GNPTAB: variants seen among roughly 807,000 people sequenced by gnomAD.
GNPTAB encodes N-acetylglucosamine-1-phosphotransferase subunits alpha/beta.
Under a neutral mutation model 136.6 loss-of-function variants are expected in GNPTAB, and 92 were observed. The ratio of observed to expected loss-of-function variants is 0.67; its 90% CI spans 0.57 to 0.80. The LOEUF (loss-of-function observed/expected upper bound fraction) is 0.80. GNPTAB is among the 30% of genes least tolerant of loss of function. GNPTAB has a pLI of 0.00. For synonymous variants in GNPTAB, 512 were observed against 535.1 expected (o/e 0.96, Z 0.60); for missense variants, 1,343 against 1,501.8 (o/e 0.89, Z 1.75).
Position 101,771,204 on chromosome 12 carries a change from G to T in GNPTAB, c.772-47C>A, listed in dbSNP as rs776295848. Reference sequence around the variant, plus strand: ...ACACATGAAAAGACTGAATCTCAAGGATGAAGCACCTTTAAATTCCCACTC... The same window carrying T: ...ACACATGAAAAGACTGAATCTCAAGTATGAAGCACCTTTAAATTCCCACTC... On this transcript the variant is annotated intron_variant, in intron 7 of 20. Coordinates refer to ENST00000299314, the MANE Select transcript of GNPTAB (RefSeq NM_024312.5). 7 of 1,489,132 alleles carry T rather than the reference G, an allele frequency of 4.7e-6. No individual in the cohort carries two copies. In the Admixed American group the frequency reaches 1.2e-4, roughly 25 times the overall value. 92.2% of individuals were successfully genotyped at this position (1,489,132 alleles called of 1,614,324 possible). A position where few individuals can be genotyped will look rare whatever the true frequency, so the allele number is the denominator to read the frequency against.
chr12:101,777,942 A>G (rs1953283398), intron 7 of GNPTAB, among the ~76,000 whole-genome samples: 1 of 152,244 alleles, frequency 6.6e-6, no homozygotes. Context: ...GATTAGCTTG[A>G]TGCTCTGAGA....
At position 101,788,566 on chromosome 12, in the gene GNPTAB, G is replaced by A. The variant is rs756182759; in HGVS notation, c.347C>T (p.Thr116Met). The A allele has an allele frequency of 3.2e-6, 5 of 1,567,400 alleles. No individual in the cohort carries two copies. Among genetic ancestry groups the A allele is most frequent in the Non-Finnish European group, 3.5e-6 (4 of 1,137,502 alleles). ...AMREILGKNT[T>M]EPTKKSEKQL... ...TGCTTACCTCTTCTTAGTAGGTTCC[G>A]TTGTGTTTTTCCCAAGGATTTCTCT... Residue 116 changes from threonine to methionine, a missense_variant, in exon 4 of 21, where the codon ACG becomes ATG. Physicochemically the swap from Thr to Met is moderately conservative, Grantham distance 81. Transcript: ENST00000299314.
intron 7 of GNPTAB, chr12:101,773,893 T>C (rs1045673736): frequency 6.6e-6 from 1 of 152,240 alleles, no homozygotes; most frequent in African/African-American, 2.4e-5. Flanking sequence ...ACTGCCTCCA[T>C]ATATGGCATC....
chr12:101,814,930 A>G (rs754925726), intron 1 of GNPTAB, among the ~76,000 whole-genome samples: 1 of 152,158 alleles, frequency 6.6e-6, no homozygotes, highest in Non-Finnish European at 1.5e-5. Flanking sequence ...CTCATGAGAG[A>G]ATGTGAGTAA....
In GNPTAB at chr12:101,765,211, G is replaced by C; in HGVS notation, c.1706C>G (p.Ala569Gly). Reference sequence around the variant, plus strand: ...TTCAACTCCTCTTTTGGCTACTTCTGCAAAGCTGAAATAAGGCAGGCATTC... The same window carrying C: ...TTCAACTCCTCTTTTGGCTACTTCTCCAAAGCTGAAATAAGGCAGGCATTC... ...KGECLPYFSF[A>G]EVAKRGVEGA... is the part of the protein sequence containing the mutation. The change falls in exon 13 of 21, where the codon GCA becomes GGA. Residue 569 changes from alanine to glycine, a missense_variant. Coordinates refer to ENST00000299314, the MANE Select transcript of GNPTAB (RefSeq NM_024312.5). 1 of 1,613,978 alleles carries C rather than the reference G, an allele frequency of 6.2e-7. No individual in the cohort carries two copies. Among genetic ancestry groups the C allele is most frequent in the Non-Finnish European group, 8.5e-7 (1 of 1,179,882 alleles).
At chr12:101,826,742 A>G (rs1455329414) in intron 1 of GNPTAB, among the ~76,000 whole-genome samples, 1 of 152,150 alleles carries the variant, frequency 6.6e-6, no homozygotes, top group Non-Finnish European at 1.5e-5. Flanking sequence ...CACGTTTTAA[A>G]ATCTATACAG....
rs1459180853 is a variant in GNPTAB, at chr12:101,764,797, G to T, written c.2120C>A (p.Ala707Asp). 7 of 1,614,206 alleles carry T rather than the reference G, an allele frequency of 4.3e-6. No individual in the cohort carries two copies. Among genetic ancestry groups the T allele is most frequent in the Non-Finnish European group, 5.1e-6 (6 of 1,180,026 alleles). ...LVNISLLPKD[A>D]QLSLNTLDLQ... ...ATCCAAGGTATTGAGACTCAACTGG[G>T]CGTCTTTTGGAAGGAGTGAAATATT... The change falls in exon 13 of 21, where the codon GCC becomes GAC. Residue 707 changes from alanine (A) to aspartate (D), a missense_variant. Transcript: ENST00000299314.
intron 1 of GNPTAB, among the ~76,000 whole-genome samples, chr12:101,809,832 T>C (rs144871569): frequency 6.6e-6 from 1 of 152,318 alleles, no homozygotes; most frequent in East Asian, 1.9e-4. Context: ...ACTGTAGTGG[T>C]AGACACAGGA....
intron 1 of GNPTAB, among the ~76,000 whole-genome samples, chr12:101,810,146 C>G (rs950250375): frequency 2.0e-5 from 3 of 151,924 alleles, no homozygotes; most frequent in African/African-American, 4.8e-5. Flanking sequence ...ACTTGGGAGG[C>G]TGAGGGAAGG....
chr12:101,775,615 G>C (rs1284820071), intron 7 of GNPTAB, among the ~76,000 whole-genome samples: 1 of 151,568 alleles, frequency 6.6e-6, no homozygotes, highest in African/African-American at 2.4e-5. Flanking sequence ...TGCCCGCCTC[G>C]GCCTCTCAAA....
intron 4 of GNPTAB, among the ~76,000 whole-genome samples, 200 bp from the exon 5 acceptor site, chr12:101,786,417 A>G (rs1012466467): frequency 6.6e-6 from 1 of 152,226 alleles, no homozygotes; most frequent in African/African-American, 2.4e-5. Flanking sequence ...CCCAACTCCA[A>G]AGATAGAGCT....
intron 3 of GNPTAB, among the ~76,000 whole-genome samples, chr12:101,789,089 A>AT (rs1868834157): frequency 6.6e-6 from 1 of 152,140 alleles, no homozygotes; most frequent in African/African-American, 2.4e-5. Flanking sequence ...GGCCTATTAT[A>AT]TTTTTCAAGG....
chr12:101,807,296 C>A (rs1467151488), intron 1 of GNPTAB, among the ~76,000 whole-genome samples: 1 of 152,116 alleles, frequency 6.6e-6, no homozygotes, highest in Non-Finnish European at 1.5e-5. Context: ...GATAGAGCAT[C>A]CACAAAAACA....
chr12:101,796,909 G>C, intron 1 of GNPTAB, 147 bp from the exon 2 acceptor site: 2 of 631,622 alleles, frequency 3.2e-6, no homozygotes, highest in Non-Finnish European at 5.6e-6. Flanking sequence ...CACATACATC[G>C]TGTTAGATCC....
chr12:101,786,008 T>G lies in GNPTAB; in HGVS notation c.571+4A>C. 1.3e-6 allele frequency: 2 copies of G among 1,598,028 alleles called. No homozygotes were observed. The highest frequency in any genetic ancestry group is 1.7e-4 in the Middle Eastern group (1 of 6,022). Reference sequence around the variant, plus strand: ...ATTTTAAAATATCCATAAAAAGATCTTACCATCCTTAGTACTGTCAAAAAC... The same window carrying G: ...ATTTTAAAATATCCATAAAAAGATCGTACCATCCTTAGTACTGTCAAAAAC... On this transcript the variant is annotated splice_donor_region_variant and intron_variant, in intron 5 of 20. Coordinates refer to ENST00000299314, the MANE Select transcript of GNPTAB (RefSeq NM_024312.5).
chr12:101,762,732 T>C (rs912428780), intron 13 of GNPTAB, among the ~76,000 whole-genome samples: 2 of 151,922 alleles, frequency 1.3e-5, no homozygotes, highest in African/African-American at 4.8e-5. Flanking sequence ...TATACATACA[T>C]ATAGGTATGT....
intron 16 of GNPTAB, among the ~76,000 whole-genome samples, chr12:101,757,960 G>C (rs3817305): frequency 0.31 from 46,858 of 151,746 alleles, 7,338 homozygotes; most frequent in East Asian, 0.39. Context: ...CTGCTCTTCT[G>C]TTATCAGCCT....
At position 101,754,316 on chromosome 12, in the gene GNPTAB, A is replaced by G. The variant is rs559382254; in HGVS notation, c.3435-777T>C. On this transcript the variant is annotated intron_variant, in intron 18 of 20. Transcript: ENST00000299314. The stretch of plus-strand genomic sequence containing the variant: ...TGGTGGCATGCCTGTAATCCCAGCT[A>G]CTCGAGAGGCTGAGGCACTAGAATT... 2.0e-3 allele frequency among the ~76,000 whole-genome samples: 306 copies of G among 152,046 alleles called. 2 individuals are homozygous for G. The highest frequency in any genetic ancestry group is 3.7e-3 in the Non-Finnish European group (253 of 67,972).
Position 101,764,172 on chromosome 12 carries a change from T to C in GNPTAB, c.2715+30A>G, listed in dbSNP as rs763100687. 5.0e-6 allele frequency: 8 copies of C among 1,612,206 alleles called. No homozygotes were observed. In the South Asian group the frequency reaches 7.7e-5, roughly 16 times the overall value. On this transcript the variant is annotated intron_variant, in intron 13 of 20. Coordinates refer to ENST00000299314, the MANE Select transcript of GNPTAB (RefSeq NM_024312.5). The stretch of plus-strand genomic sequence containing the variant: ...TGAGATTATTTACTCTTCCTGAGCA[T>C]GAGAAAGAATGAGGCTGGATGTTAC...
Sources: allele counts gnomAD v4.1 joint callset (sites outside exome capture counted in the v4.1 genomes callset), GRCh38; gene constraint gnomAD v4.1.1; transcripts MANE v1.5; gene names NCBI Gene and HGNC (gene_info 2026-07-23, HGNC 2026-07-21).